Variants in UBXN7 observed in about 807,000 individuals in gnomAD.
The protein encoded by UBXN7 is UBX domain protein 7, also known as UBX domain-containing protein 7.
A neutral mutation model predicts 58.0 loss-of-function variants in UBXN7; 9 were observed. The ratio of observed to expected loss-of-function variants is 0.16; its 90% CI spans 0.09 to 0.27. UBXN7 has a LOEUF of 0.27. Among genes scored for constraint, UBXN7 ranks in the 10% least tolerant of loss-of-function variants. The pLI, the probability that UBXN7 is intolerant of heterozygous loss-of-function variation, is 1.00. For missense variants in UBXN7, 328 were observed against 599.6 expected (o/e 0.55, Z 4.73); for synonymous variants, 208 against 205.0 (o/e 1.01, Z -0.12).
intron 3 of UBXN7, chr3:196,399,962 TAAG>T (rs1371006433): frequency 6.6e-6 from 1 of 152,224 alleles, no homozygotes; most frequent in Non-Finnish European, 1.5e-5. Flanking sequence ...GAGGCTGAGA[TAAG>T]AAGATCACCT....
chr3:196,369,401 C>A lies in UBXN7; in HGVS notation c.706+20G>T. ...AAGACAAGTAATAGGTTAAAAGCTG[C>A]GTGCTGATATAAATCTTACCTGTCC... On this transcript the variant is annotated intron_variant, in intron 7 of 10. Transcript: ENST00000296328. The A allele has an allele frequency of 1.2e-5, 18 of 1,550,450 alleles. No individual in the cohort carries two copies. The highest frequency in any genetic ancestry group is 1.6e-5 in the Non-Finnish European group (18 of 1,125,454).
Position 196,349,047 on chromosome 3 carries a change from A to G in UBXN7, c.*7638T>C, listed in dbSNP as rs1412014955. The G allele has an allele frequency of 6.6e-6, 1 of 152,266 alleles. No individual in the cohort carries two copies. The highest frequency in any genetic ancestry group is 6.5e-5 in the Admixed American group (1 of 15,288). The allele number at this position is 152,266 out of a possible 1,614,324, so 9.4% of individuals were successfully genotyped here. ...GAAAAAAAGATTATCAGAGGAGTGA[A>G]GAAAACCGTGTCTAACAGATTCATG... is the stretch of plus-strand genomic sequence containing the variant. On this transcript the variant is annotated 3_prime_UTR_variant, in exon 11 of 11. Transcript: ENST00000296328.
chr3:196,356,702 C>T lies in UBXN7; in HGVS notation c.1453G>A (p.Val485Ile). ...AGLCPQETVFVQERN is the reference protein window; with the variant it reads ...AGLCPQETVFIQERN ...CCATGGTGTTAATTTCTTTCCTGTA[C>T]AAAGACAGTCTCTTGAGGACAAAGG... Residue 485 changes from valine to isoleucine, a missense_variant, in exon 11 of 11, where the codon GTA becomes ATA. By Grantham distance (29) the Val-to-Ile change is conservative. Transcript: ENST00000296328. 3.1e-6 allele frequency: 5 copies of T among 1,605,610 alleles called. No homozygotes were observed. Among genetic ancestry groups the T allele is most frequent in the Non-Finnish European group, 4.2e-6 (5 of 1,178,222 alleles).
At chr3:196,394,016 T>C (rs537855049) in intron 3 of UBXN7, among the ~76,000 whole-genome samples, 10 of 152,288 alleles carry the variant, frequency 6.6e-5, no homozygotes, top group African/African-American at 2.2e-4. Flanking sequence ...CGGCTGGGCA[T>C]GGTGGCTCAT....
chr3:196,417,724 T>TAA (rs749981900), intron 1 of UBXN7, among the ~76,000 whole-genome samples: 38 of 31,658 alleles, frequency 1.2e-3, no homozygotes, highest in East Asian at 4.4e-3. Flanking sequence ...GCAAAATGGT[T>TAA]AAAAAAAAAA....
chr3:196,414,983 C>T (rs1226777003), intron 1 of UBXN7, among the ~76,000 whole-genome samples: 2 of 152,114 alleles, frequency 1.3e-5, no homozygotes, highest in African/African-American at 4.8e-5. Context: ...CACAGCCAAC[C>T]TTATGTAACT....
chr3:196,372,921 A>C (rs1307160549), intron 5 of UBXN7, among the ~76,000 whole-genome samples: 4 of 148,070 alleles, frequency 2.7e-5, no homozygotes, highest in African/African-American at 7.5e-5. Flanking sequence ...AATTTTTTAT[A>C]TATTTTTAGT....
At chr3:196,420,858 G>A (rs1031324564) in intron 1 of UBXN7, among the ~76,000 whole-genome samples, 3 of 152,116 alleles carry the variant, frequency 2.0e-5, no homozygotes, top group Non-Finnish European at 2.9e-5. Flanking sequence ...GCCAAAAGAC[G>A]GACAGTGATC....
intron 3 of UBXN7, chr3:196,397,927 C>T (rs1005675576): frequency 5.9e-5 from 9 of 152,184 alleles, no homozygotes; most frequent in African/African-American, 1.9e-4. Context: ...TTCATTAAAA[C>T]CCACTGTACT....
In UBXN7 at chr3:196,391,894, T is replaced by G. The variant is rs1405200769; in HGVS notation, c.387A>C (p.Gly129=). ...IRQEQELRNG[G]AIDKKLTTLA... The stretch of plus-strand genomic sequence containing the variant: ...GGGTAGTTAATTTCTTATCGATAGC[T>G]CCTCCATTTCTTAATTCTTGTTCTT... The change falls in exon 5 of 11, where the codon GGA becomes GGC. Residue 129 remains glycine, a synonymous_variant. Coordinates refer to ENST00000296328, the MANE Select transcript of UBXN7 (RefSeq NM_015562.2). The G allele has an allele frequency of 1.2e-6, 2 of 1,605,320 alleles. No individual in the cohort carries two copies. Among genetic ancestry groups the G allele is most frequent in the African/African-American group, 2.7e-5 (2 of 74,186 alleles).
At chr3:196,395,367 T>TA (rs1392881352) in intron 3 of UBXN7, among the ~76,000 whole-genome samples, 1 of 152,226 alleles carries the variant, frequency 6.6e-6, no homozygotes, top group Non-Finnish European at 1.5e-5. Flanking sequence ...ATCATTCCTG[T>TA]GTATATGTGT....
intron 1 of UBXN7, among the ~76,000 whole-genome samples, chr3:196,423,128 C>G (rs1730738066): frequency 6.6e-6 from 1 of 152,256 alleles, no homozygotes; most frequent in South Asian, 2.1e-4. Context: ...AAGCCATAAC[C>G]AGAGGACACA....
At chr3:196,392,718 G>A (rs1329828129) in intron 4 of UBXN7, among the ~76,000 whole-genome samples, 2 of 152,056 alleles carry the variant, frequency 1.3e-5, no homozygotes, top group South Asian at 2.1e-4. Context: ...CAGGAGAATC[G>A]TTTGAACCTG....
rs551105461 is a variant in UBXN7 at position 196,350,578 on chromosome 3, T to C, written c.*6107A>G. 26 of 152,214 alleles carry C rather than the reference T, an allele frequency of 1.7e-4. No individual in the cohort carries two copies. Among genetic ancestry groups the C allele is most frequent in the Non-Finnish European group, 3.1e-4 (21 of 68,034 alleles). 9.4% of individuals were successfully genotyped at this position (152,214 alleles called of 1,614,324 possible). A position where few individuals can be genotyped will look rare whatever the true frequency, so the allele number is the denominator to read the frequency against. ...TAAAATGGAAAGCAGGATTAAAAGA[T>C]TTCTAATTAAGGGTCTGTCACTTCA... On this transcript the variant is annotated 3_prime_UTR_variant, in exon 11 of 11. Coordinates refer to ENST00000296328, the MANE Select transcript of UBXN7 (RefSeq NM_015562.2).
intron 1 of UBXN7, among the ~76,000 whole-genome samples, chr3:196,428,915 T>C (rs1730931908): frequency 6.7e-6 from 1 of 150,294 alleles, no homozygotes; most frequent in Admixed American, 6.7e-5. Context: ...TGTGCACCTG[T>C]AGCCCCAGTT....
chr3:196,418,185 C>T (rs1435331177), intron 1 of UBXN7, among the ~76,000 whole-genome samples: 5 of 151,520 alleles, frequency 3.3e-5, no homozygotes, highest in Non-Finnish European at 4.4e-5. Flanking sequence ...TGCTGTGGGC[C>T]GAGATCACGC....
Position 196,361,844 on chromosome 3 carries a change from T to C in UBXN7, c.1308A>G (p.Leu436=). Residue 436 remains leucine (L), a splice_region_variant and synonymous_variant, in exon 10 of 11, where the codon CTA becomes CTG. Coordinates refer to ENST00000296328, the MANE Select transcript of UBXN7 (RefSeq NM_015562.2). Reference sequence around the variant, plus strand: ...TGAACCAAAGCAAGCCTGTACTTACTAGCAGTTTAGCTTGCTCTGGAAGAG... The same window carrying C: ...TGAACCAAAGCAAGCCTGTACTTACCAGCAGTTTAGCTTGCTCTGGAAGAG... ...QITLPEQAKL[L]ALVKHVQSKG... The C allele has an allele frequency of 2.5e-6, 4 of 1,613,552 alleles. No individual in the cohort carries two copies. The highest frequency in any genetic ancestry group is 1.3e-5 in the African/African-American group (1 of 74,890).
intron 5 of UBXN7, among the ~76,000 whole-genome samples, chr3:196,381,382 T>C (rs1560226312): frequency 6.6e-6 from 1 of 152,224 alleles, no homozygotes; most frequent in Non-Finnish European, 1.5e-5. Flanking sequence ...CCAACAGACC[T>C]ACAGCTGAGG....
At chr3:196,366,603 A>T (rs924112687) in intron 8 of UBXN7, among the ~76,000 whole-genome samples, 11 of 152,088 alleles carry the variant, frequency 7.2e-5, no homozygotes, top group Non-Finnish European at 1.0e-4. Flanking sequence ...ACAATACAAT[A>T]AAAATGTTGC....
Sources: gnomAD v4.1 joint callset for allele counts (sites outside exome capture counted in the v4.1 genomes callset) on GRCh38, gnomAD v4.1.1 for gene constraint, MANE v1.5 for transcripts, NCBI Gene and HGNC (gene_info 2026-07-23, HGNC 2026-07-21) for gene names.